PLCB4: variants seen among roughly 807,000 people sequenced by gnomAD.
PLCB4 encodes 1-phosphatidylinositol 4,5-bisphosphate phosphodiesterase beta-4.
In PLCB4, 77 loss-of-function variants were observed where a neutral mutation model predicts 178.8. That is an observed-to-expected ratio of 0.43 (90% CI 0.36 to 0.52). PLCB4 has a LOEUF of 0.52. Among genes scored for constraint, PLCB4 ranks in the 20% least tolerant of loss-of-function variants. The probability of loss-of-function intolerance (pLI) is 0.00; values close to 1 mark genes in which losing one functional copy is unlikely to be tolerated. For synonymous variants in PLCB4, 496 were observed against 490.8 expected (o/e 1.01, Z -0.14); for missense variants, 1,024 against 1,453.4 (o/e 0.70, Z 4.80).
intron 7 of PLCB4, among the ~76,000 whole-genome samples, chr20:9,339,467 T>A (rs35210025): frequency 0.067 from 10,138 of 152,212 alleles, 363 homozygotes; most frequent in Middle Eastern, 0.095. Context: ...AGAAATGCAA[T>A]GTGAGCCACA....
At chr20:9,195,874 G>T (rs1004825045) in intron 2 of PLCB4, among the ~76,000 whole-genome samples, 1 of 152,102 alleles carries the variant, frequency 6.6e-6, no homozygotes, top group African/African-American at 2.4e-5. Context: ...CTGGCTTCAG[G>T]ATTCATCTTG....
Position 9,441,106 on chromosome 20 carries a change from G to C in PLCB4, c.2765-2875G>C, listed in dbSNP as rs532818890. On this transcript the variant is annotated intron_variant, in intron 30 of 39. Transcript: ENST00000378473. ...TTCTTCTCATGCATATTGAATCACT[G>C]TGTTGGACGTCTGGGAATGCCTGCA... Among the ~76,000 whole-genome samples the C allele has an allele frequency of 1.1e-4, 17 of 152,308 alleles. No individual in the cohort carries two copies. The South Asian group carries it at 3.5e-3, about 32-fold the overall frequency.
chr20:9,261,328 CAAG>C lies in PLCB4; in HGVS notation c.-16+43879_-16+43881del, dbSNP rs2094295493. ...GATTTTAGGAAATTCAAATTCCAAA[CAAG>C]AAATTAAATACTTACAGTAATTCTG... On this transcript the variant is annotated intron_variant, in intron 3 of 39. Coordinates refer to ENST00000378473, the MANE Select transcript of PLCB4 (RefSeq NM_001377142.1). 1.3e-5 allele frequency among the ~76,000 whole-genome samples: 2 copies of C among 152,004 alleles called. 1 individual carries two copies. Among genetic ancestry groups the C allele is most frequent in the South Asian group, 4.1e-4 (2 of 4,822 alleles).
At chr20:9,459,541 G>A in intron 34 of PLCB4, 94 bp from the exon 35 acceptor site, 1 of 807,626 alleles carries the variant, frequency 1.2e-6, no homozygotes, top group Non-Finnish European at 1.9e-6. Context: ...TAAGTTGGTG[G>A]GAGGAACCTG....
chr20:9,476,008 A>G (rs186369497), intron 38 of PLCB4, among the ~76,000 whole-genome samples: 11 of 152,330 alleles, frequency 7.2e-5, no homozygotes, highest in South Asian at 2.1e-4. Flanking sequence ...ATTCTCCCAT[A>G]GTATTTCCCT....
intron 1 of PLCB4, among the ~76,000 whole-genome samples, chr20:9,075,198 A>T (rs1568700557): frequency 2.6e-5 from 4 of 152,160 alleles, no homozygotes; most frequent in Admixed American, 2.0e-4. Context: ...AGGTAGGCTG[A>T]CATCAGAACT....
At chr20:9,077,831 G>T (rs529120970) in intron 1 of PLCB4, among the ~76,000 whole-genome samples, 47 of 152,242 alleles carry the variant, frequency 3.1e-4, no homozygotes, top group Admixed American at 5.2e-4. Context: ...TCCTATCCAG[G>T]TGTGTTTGTA....
At chr20:9,246,930 G>T (rs560243622) in intron 3 of PLCB4, among the ~76,000 whole-genome samples, 1 of 152,232 alleles carries the variant, frequency 6.6e-6, no homozygotes, top group East Asian at 1.9e-4. Flanking sequence ...GAAATCAGTT[G>T]TATTGCACAA....
Position 9,437,105 on chromosome 20 carries a change from G to A in PLCB4, c.2717G>A (p.Arg906Lys), listed in dbSNP as rs112585987. The change falls in exon 30 of 40, where the codon AGA becomes AAA. Residue 906 changes from arginine to lysine, a missense_variant. Coordinates refer to ENST00000378473, the MANE Select transcript of PLCB4 (RefSeq NM_001377142.1). ...NVTPQSSSELRPTTTAALASG... is the reference protein window; with the variant it reads ...NVTPQSSSELKPTTTAALASG... The stretch of plus-strand genomic sequence containing the variant: ...ACCCCTCAGAGTAGCTCTGAGCTCA[G>A]ACCAACCACCACGGCTGCCCTGGCC... 1.9e-6 allele frequency: 3 copies of A among 1,614,004 alleles called. No individual in the cohort carries two copies. The highest frequency in any genetic ancestry group is 2.2e-5 in the South Asian group (2 of 91,088).
chr20:9,127,642 C>G (rs1318060153), intron 2 of PLCB4, among the ~76,000 whole-genome samples: 1 of 44,296 alleles, frequency 2.3e-5, no homozygotes, highest in Non-Finnish European at 4.2e-5. Flanking sequence ...GTAAAATTAT[C>G]TATCTATCTA....
intron 35 of PLCB4, among the ~76,000 whole-genome samples, chr20:9,461,681 G>C (rs1413916157): frequency 6.6e-6 from 1 of 152,216 alleles, no homozygotes. Flanking sequence ...ATCGAACCGT[G>C]AGGCAGCAAC....
chr20:9,395,649 T>C lies in PLCB4; in HGVS notation c.1510+31T>C, dbSNP rs569408236. On this transcript the variant is annotated intron_variant, in intron 19 of 39. Transcript: ENST00000378473. ...CTGTTTGCTTTTATTTTAAGTTACA[T>C]GCTTTGAAAATACTTTTTAAATAAG... The C allele has an allele frequency of 2.7e-6, 4 of 1,457,970 alleles. No homozygotes were observed. The Admixed American group carries it at 6.7e-5, about 24-fold the overall frequency. The allele number at this position is 1,457,970 out of a possible 1,614,324, so 90.3% of individuals were successfully genotyped here. A position where few individuals can be genotyped will look rare whatever the true frequency, so the allele number is the denominator to read the frequency against.
intron 38 of PLCB4, among the ~76,000 whole-genome samples, chr20:9,476,091 C>T (rs962607207): frequency 2.0e-5 from 3 of 152,182 alleles, no homozygotes; most frequent in African/African-American, 7.2e-5. Flanking sequence ...CAAAGCAAGG[C>T]CTGGAATGGA....
chr20:9,427,097 C>T lies in PLCB4; in HGVS notation c.2524+3145C>T, dbSNP rs144155694. On this transcript the variant is annotated intron_variant, in intron 28 of 39. Transcript: ENST00000378473. ...AAAATTAGCCTGCCATGGTAGCACA[C>T]GCCTGTAATCCCAGCTACTCTGCAG... 3.3e-4 allele frequency among the ~76,000 whole-genome samples: 50 copies of T among 152,222 alleles called. No individual in the cohort carries two copies. The East Asian group carries it at 5.8e-3, about 18-fold the overall frequency.
At position 9,136,540 on chromosome 20, in the gene PLCB4, A is replaced by G. The variant is rs536821963; in HGVS notation, c.-79+40198A>G. ...CCTTACTCCTTGCACTTGTAGCTGA[A>G]AAGTCTACAAAAGAGGGTTTCAGTT... On this transcript the variant is annotated intron_variant, in intron 2 of 39. Coordinates refer to ENST00000378473, the MANE Select transcript of PLCB4 (RefSeq NM_001377142.1). 7.7e-4 allele frequency among the ~76,000 whole-genome samples: 117 copies of G among 152,196 alleles called. No homozygotes were observed. In the Middle Eastern group the frequency reaches 0.014, roughly 18 times the overall value.
intron 6 of PLCB4, among the ~76,000 whole-genome samples, 162 bp from the exon 7 acceptor site, chr20:9,338,732 T>C (rs2032815770): frequency 6.6e-6 from 1 of 152,192 alleles, no homozygotes; most frequent in Non-Finnish European, 1.5e-5. Flanking sequence ...TCAAGGAATA[T>C]ATAGTGTTAC....
At chr20:9,325,541 A>C (rs958657713) in intron 4 of PLCB4, among the ~76,000 whole-genome samples, 1 of 152,168 alleles carries the variant, frequency 6.6e-6, no homozygotes, top group Non-Finnish European at 1.5e-5. Context: ...TTTGCCTCAC[A>C]ATCCTCACAG....
rs1227312278 is a variant in PLCB4 at position 9,400,348 on chromosome 20, C to T, written c.1511-1142C>T. ...GTAGTTTCCATTCACTGGAAAAAAC[C>T]GTCAGTTGAAGAACACACTGCAATA... On this transcript the variant is annotated intron_variant, in intron 19 of 39. Coordinates refer to ENST00000378473, the MANE Select transcript of PLCB4 (RefSeq NM_001377142.1). Among the ~76,000 whole-genome samples, 5 of 152,138 alleles carry T rather than the reference C, an allele frequency of 3.3e-5. No homozygotes were observed. The East Asian group carries it at 9.6e-4, about 29-fold the overall frequency.
intron 32 of PLCB4, among the ~76,000 whole-genome samples, chr20:9,452,658 G>A (rs141072032): frequency 6.6e-6 from 1 of 152,250 alleles, no homozygotes; most frequent in African/African-American, 2.4e-5. Context: ...AAGCATTGCA[G>A]CCCCAATTTC....
Sources: gnomAD v4.1 joint callset for allele counts (sites outside exome capture counted in the v4.1 genomes callset) on GRCh38, gnomAD v4.1.1 for gene constraint, MANE v1.5 for transcripts, NCBI Gene and HGNC (gene_info 2026-07-23, HGNC 2026-07-21) for gene names.